TBP: variants seen among roughly 807,000 people sequenced by gnomAD.
TBP encodes TATA-box binding protein.
Under a neutral mutation model 46.2 loss-of-function variants are expected in TBP, and 12 were observed. The ratio of observed to expected loss-of-function variants is 0.26; its 90% CI spans 0.17 to 0.42. TBP has a LOEUF of 0.42. Among genes scored for constraint, TBP ranks in the 10% least tolerant of loss-of-function variants. TBP has a pLI of 1.00. For synonymous variants in TBP, 157 were observed against 148.3 expected, an observed-to-expected ratio of 1.06 and a Z score of -0.42; for missense variants, 229 against 403.1, an observed-to-expected ratio of 0.57 and a Z score of 3.70.
rs775448208 is a variant in TBP, at chr6:170,571,409, G to A, written c.846-1G>A. The A allele has an allele frequency of 6.2e-7, 1 of 1,611,646 alleles. No homozygotes were observed. The highest frequency in any genetic ancestry group is 8.5e-7 in the Non-Finnish European group (1 of 1,178,934). ...TAAACTTTTTGCAATTTTCCTTCTA[G>A]TTATGAGCCAGAGTTATTTCCTGGT... On this transcript the variant is annotated splice_acceptor_variant, in intron 6 of 7. Coordinates refer to ENST00000392092, the MANE Select transcript of TBP (RefSeq NM_003194.5). LOFTEE classifies it high-confidence loss of function.
chr6:170,570,864 TTCAG>T (rs1779354671), intron 6 of TBP, among the ~76,000 whole-genome samples: 1 of 152,064 alleles, frequency 6.6e-6, no homozygotes, highest in Non-Finnish European at 1.5e-5. Flanking sequence ...CAATAGTCCA[TTCAG>T]TCAGACAGCT....
chr6:170,564,447 T>A, intron 3 of TBP, 98 bp from the exon 4 acceptor site: 1 of 781,250 alleles, frequency 1.3e-6, no homozygotes. Flanking sequence ...AAGTAAAGCC[T>A]GGTTGAAATA....
In TBP at chr6:170,572,787, A is replaced by T. The variant is rs2115005055; in HGVS notation, c.*522A>T. On this transcript the variant is annotated 3_prime_UTR_variant, in exon 8 of 8. Transcript: ENST00000392092. Reference sequence around the variant, plus strand: ...AGGACAGAATATATGTGTTAATGAAAATGAATGGCTGTACATATTTTTTTC... The same window carrying T: ...AGGACAGAATATATGTGTTAATGAATATGAATGGCTGTACATATTTTTTTC... 1 of 153,562 alleles carries T rather than the reference A, an allele frequency of 6.5e-6. No homozygotes were observed. Among genetic ancestry groups the T allele is most frequent in the African/African-American group, 2.4e-5 (1 of 41,588 alleles). 9.5% of individuals were successfully genotyped at this position (153,562 alleles called of 1,614,324 possible).
chr6:170,570,473 C>T (rs1262254773), intron 6 of TBP, among the ~76,000 whole-genome samples: 1 of 152,202 alleles, frequency 6.6e-6, no homozygotes, highest in East Asian at 1.9e-4. Context: ...GTCAGACACA[C>T]AGAAACAGAG....
At chr6:170,557,652 C>G (rs2114989815) in intron 2 of TBP, among the ~76,000 whole-genome samples, 1 of 138,958 alleles carries the variant, frequency 7.2e-6, no homozygotes, top group Non-Finnish European at 1.5e-5. Context: ...AGGAGAATTG[C>G]TTGAACCCGG....
At chr6:170,562,275 C>T (rs1003988231) in intron 3 of TBP, 42 bp downstream of exon 3, 11 of 1,574,024 alleles carry the variant, frequency 7.0e-6, no homozygotes, top group Non-Finnish European at 9.6e-6. Context: ...CTTAGGAGTC[C>T]CTTTGAGTTA....
chr6:170,556,767 A>T (rs987286761), intron 1 of TBP, 115 bp from the exon 2 acceptor site: 19 of 338,682 alleles, frequency 5.6e-5, no homozygotes, highest in African/African-American at 3.8e-4. Flanking sequence ...AATGTATTCC[A>T]AAATAGCTTC....
chr6:170,556,701 A>G (rs1437752710), intron 1 of TBP, among the ~76,000 whole-genome samples, 181 bp from the exon 2 acceptor site: 1 of 152,350 alleles, frequency 6.6e-6, no homozygotes. Context: ...GCGATTTTAC[A>G]TGCAATCGCC....
At chr6:170,556,652 A>G (rs1447559031) in intron 1 of TBP, among the ~76,000 whole-genome samples, 1 of 152,174 alleles carries the variant, frequency 6.6e-6, no homozygotes, top group Non-Finnish European at 1.5e-5. Context: ...GCATTTTCCG[A>G]TTATTTAAAC....
intron 1 of TBP, among the ~76,000 whole-genome samples, chr6:170,555,140 G>A (rs899240394): frequency 6.6e-6 from 1 of 152,160 alleles, no homozygotes; most frequent in African/African-American, 2.4e-5. Flanking sequence ...CTTTTCTGAG[G>A]ATAAATTAGT....
Position 170,561,872 on chromosome 6 carries a change from A to G in TBP, c.136A>G (p.Thr46Ala). The G allele has an allele frequency of 1.2e-6, 2 of 1,614,014 alleles. No individual in the cohort carries two copies. The highest frequency in any genetic ancestry group is 2.2e-5 in the South Asian group (2 of 91,068). Reference protein sequence around the residue: ...TGLTPQPIQNTNSLSILEEQQ... With the variant: ...TGLTPQPIQNANSLSILEEQQ... ...ACTGACCCCACAGCCTATTCAGAAC[A>G]CCAATAGTCTGTCTATTTTGGAAGA... The change falls in exon 3 of 8, where the codon ACC (threonine) becomes GCC (alanine). Residue 46 changes from threonine (T) to alanine (A), a missense_variant. Thr to Ala is a moderately conservative substitution (Grantham distance 58). This residue lies in a region of TBP where 49 missense variants were observed against 94.7 expected (regional missense o/e 0.52). Coordinates refer to ENST00000392092, the MANE Select transcript of TBP (RefSeq NM_003194.5).
chr6:170,572,200 G>A lies in TBP; in HGVS notation c.955G>A (p.Ala319Thr). The A allele has an allele frequency of 6.2e-7, 1 of 1,613,902 alleles. No homozygotes were observed. Among genetic ancestry groups the A allele is most frequent in the Non-Finnish European group, 8.5e-7 (1 of 1,179,942 alleles). ...TGTCTTCTTAGGTGCTAAAGTCAGA[G>A]CAGAAATTTATGAAGCATTTGAAAA... ...KVVLTGAKVR[A>T]EIYEAFENIY... is the part of the protein sequence containing the mutation. Residue 319 changes from alanine to threonine, a missense_variant, in exon 8 of 8, where the codon GCA becomes ACA. Physicochemically the swap from Ala to Thr is moderately conservative, Grantham distance 58. Around this residue, in one of 4 missense-constraint regions of TBP, gnomAD observed 44 missense variants for 54.1 expected, o/e 0.81. Transcript: ENST00000392092.
At chr6:170,565,763 G>A (rs1486715000) in intron 4 of TBP, among the ~76,000 whole-genome samples, 1 of 152,118 alleles carries the variant, frequency 6.6e-6, no homozygotes, top group Non-Finnish European at 1.5e-5. Flanking sequence ...GGAAGACATA[G>A]AGCAGGTTTT....
intron 2 of TBP, among the ~76,000 whole-genome samples, chr6:170,559,946 C>A (rs1283469505): frequency 1.3e-5 from 2 of 152,196 alleles, no homozygotes; most frequent in Non-Finnish European, 2.9e-5. Flanking sequence ...CTCTGCCTGT[C>A]CTCAGTAAAC....
Position 170,571,393 on chromosome 6 carries a change from TGCAA to T in TBP, c.846-16_846-13del. ...CAAAGCTCTTGATTTCTAAACTTTT[TGCAA>T]TTTTCCTTCTAGTTATGAGCCAGAG... On this transcript the variant is annotated splice_polypyrimidine_tract_variant and intron_variant, in intron 6 of 7. Transcript: ENST00000392092. The T allele has an allele frequency of 6.3e-7, 1 of 1,591,066 alleles. No individual in the cohort carries two copies. Among genetic ancestry groups the T allele is most frequent in the Admixed American group, 1.7e-5 (1 of 59,414 alleles).
chr6:170,565,902 G>GT (rs1779236510), intron 4 of TBP, among the ~76,000 whole-genome samples: 1 of 151,960 alleles, frequency 6.6e-6, no homozygotes, highest in Non-Finnish European at 1.5e-5. Context: ...GCAAGGCCTT[G>GT]TTTCATCAGA....
rs1779335935 is a variant in TBP at position 170,569,642 on chromosome 6, A to G, written c.708A>G (p.Lys236=). 6.2e-7 allele frequency: 1 copy of G among 1,614,086 alleles called. No homozygotes were observed. Among genetic ancestry groups the G allele is most frequent in the Non-Finnish European group, 8.5e-7 (1 of 1,179,992 alleles). ...SEEQSRLAAR[K]YARVVQKLGF... ...AACAGTCCAGACTGGCAGCAAGAAA[A>G]TATGCTAGAGTTGTACAGAAGTTGG... is the stretch of plus-strand genomic sequence containing the variant. The change falls in exon 6 of 8, where the codon AAA becomes AAG. Residue 236 remains lysine, a synonymous_variant. Coordinates refer to ENST00000392092, the MANE Select transcript of TBP (RefSeq NM_003194.5).
rs765776627 is a variant in TBP, at chr6:170,557,006, T to C, written c.-24T>C. ...CGAGTTCCAGCGCAAGGGTTTCTGGTTTGCCAAGAAGAAAGTGAACATCAT... is the reference window on the plus strand; with the variant it reads ...CGAGTTCCAGCGCAAGGGTTTCTGGCTTGCCAAGAAGAAAGTGAACATCAT... On this transcript the variant is annotated 5_prime_UTR_variant, in exon 2 of 8. Coordinates refer to ENST00000392092, the MANE Select transcript of TBP (RefSeq NM_003194.5). 1.2e-6 allele frequency: 2 copies of C among 1,613,414 alleles called. No homozygotes were observed. Among genetic ancestry groups the C allele is most frequent in the African/African-American group, 2.7e-5 (2 of 74,870 alleles).
At chr6:170,555,282 A>C (rs1220790164) in intron 1 of TBP, among the ~76,000 whole-genome samples, 1 of 152,188 alleles carries the variant, frequency 6.6e-6, no homozygotes, top group Non-Finnish European at 1.5e-5. Flanking sequence ...CTCTTGCCTC[A>C]ACCTTAGATT....
Sources: allele counts gnomAD v4.1 joint callset (sites outside exome capture counted in the v4.1 genomes callset), GRCh38; gene constraint gnomAD v4.1.1; regional missense constraint gnomAD v4.1.1; transcripts MANE v1.5; gene names NCBI Gene and HGNC (gene_info 2026-07-23, HGNC 2026-07-21).